The following SNTB1 variants were observed in gnomAD, a reference collection of about 807,000 sequenced individuals.
SNTB1 encodes beta-1-syntrophin.
SNTB1 carries 36 observed loss-of-function variants against 48.9 expected under a neutral mutation model. The observed-to-expected ratio is 0.74, with a 90% CI of 0.56 to 0.97. The LOEUF (loss-of-function observed/expected upper bound fraction) is 0.97, where lower values mean the gene tolerates loss of function less well. Among genes scored for constraint, SNTB1 ranks in the 50% least tolerant of loss-of-function variants. The pLI is 0.00. For synonymous variants in SNTB1, 299 were observed against 294.6 expected, an observed-to-expected ratio of 1.01 and a Z score of -0.15; for missense variants, 786 against 703.4, an observed-to-expected ratio of 1.12 and a Z score of -1.33.
At chr8:120,637,200 C>T (rs1057513064) in intron 2 of SNTB1, 8 of 334,682 alleles carry the variant, frequency 2.4e-5, no homozygotes, top group Admixed American at 1.1e-4. Flanking sequence ...ATGTCAAAGT[C>T]GAACATCCTC....
intron 3 of SNTB1, among the ~76,000 whole-genome samples, chr8:120,584,416 G>C (rs1816101230): frequency 1.8e-5 from 2 of 112,996 alleles, no homozygotes. Flanking sequence ...TCCAGCTTGG[G>C]TGACAGAGCG....
At chr8:120,657,254 C>T (rs1261213575) in intron 2 of SNTB1, among the ~76,000 whole-genome samples, 1 of 152,160 alleles carries the variant, frequency 6.6e-6, no homozygotes, top group Non-Finnish European at 1.5e-5. Context: ...CCCCAGTGTA[C>T]AATTTTATCA....
Position 120,556,193 on chromosome 8 carries a change from G to A in SNTB1, c.1137-7235C>T, listed in dbSNP as rs544238571. On this transcript the variant is annotated intron_variant, in intron 4 of 6. Coordinates refer to ENST00000517992, the MANE Select transcript of SNTB1 (RefSeq NM_021021.4). Reference sequence around the variant, plus strand: ...CCATGGCCTGTTTACTCCAAGTTAAGCTCCAGTTTTGGGGAGACTCATTGC... The same window carrying A: ...CCATGGCCTGTTTACTCCAAGTTAAACTCCAGTTTTGGGGAGACTCATTGC... 2.6e-5 allele frequency among the ~76,000 whole-genome samples: 4 copies of A among 152,308 alleles called. No individual in the cohort carries two copies. The South Asian group carries it at 8.3e-4, about 32-fold the overall frequency.
rs149718824 is a variant in SNTB1, at chr8:120,681,339, C to T, written c.788+12353G>A. Among the ~76,000 whole-genome samples, 4 of 152,188 alleles carry T rather than the reference C, an allele frequency of 2.6e-5. No homozygotes were observed. In the East Asian group the frequency reaches 5.8e-4, roughly 22 times the overall value. ...AACTCACAGGAGAACAAGACAGGCA[C>T]AACATGTTTGGAGGACAGACAGCGA... On this transcript the variant is annotated intron_variant, in intron 2 of 6. Coordinates refer to ENST00000517992, the MANE Select transcript of SNTB1 (RefSeq NM_021021.4).
rs1459693939 is a variant in SNTB1, at chr8:120,583,556, C to CAA, written c.997-8332_997-8331insTT. On this transcript the variant is annotated intron_variant, in intron 3 of 6. Transcript: ENST00000517992. ...ACACACACACACACACACACACACA[C>CAA]ACACAAAACTGGAACAGTACTATCT... Among the ~76,000 whole-genome samples, 351 of 115,894 alleles carry CAA rather than the reference C, an allele frequency of 3.0e-3. 3 individuals are homozygous for CAA. The highest frequency in any genetic ancestry group is 0.01 in the African/African-American group (339 of 33,270). 76.0% of individuals were successfully genotyped at this position (115,894 alleles called of 152,430 possible). A position where few individuals can be genotyped will look rare whatever the true frequency, so the allele number is the denominator to read the frequency against.
intron 2 of SNTB1, among the ~76,000 whole-genome samples, chr8:120,690,905 G>A (rs1277906682): frequency 2.6e-5 from 4 of 152,214 alleles, no homozygotes; most frequent in Admixed American, 1.3e-4. Context: ...GTCTGGACCT[G>A]AAGTCCCTTC....
intron 3 of SNTB1, among the ~76,000 whole-genome samples, chr8:120,577,131 T>C (rs1288562334): frequency 6.6e-6 from 1 of 152,316 alleles, no homozygotes; most frequent in Admixed American, 6.5e-5. Context: ...TTTCAATACC[T>C]TTTCTTCCCA....
At chr8:120,777,561 C>T (rs375153846) in intron 1 of SNTB1, among the ~76,000 whole-genome samples, 3 of 152,102 alleles carry the variant, frequency 2.0e-5, no homozygotes, top group South Asian at 2.1e-4. Flanking sequence ...GATTCACAGC[C>T]CTTAGAAAGA....
chr8:120,626,704 T>A (rs1816891417), intron 3 of SNTB1, among the ~76,000 whole-genome samples: 1 of 152,168 alleles, frequency 6.6e-6, no homozygotes, highest in Admixed American at 6.5e-5. Context: ...GCACTTTCAA[T>A]GATGTGAGCT....
chr8:120,787,981 A>G (rs1226672993), intron 1 of SNTB1, among the ~76,000 whole-genome samples: 2 of 152,190 alleles, frequency 1.3e-5, no homozygotes, highest in Non-Finnish European at 2.9e-5. Context: ...GTGAGACAAA[A>G]GCATCAGGTA....
chr8:120,661,729 T>TG (rs994085017), intron 2 of SNTB1, among the ~76,000 whole-genome samples: 1 of 152,208 alleles, frequency 6.6e-6, no homozygotes, highest in Non-Finnish European at 1.5e-5. Context: ...CTCCCACTTA[T>TG]GAGTGAGAAC....
chr8:120,752,862 C>T (rs1819245809), intron 1 of SNTB1, among the ~76,000 whole-genome samples: 1 of 151,792 alleles, frequency 6.6e-6, no homozygotes, highest in South Asian at 2.1e-4. Flanking sequence ...GGTAAACTAC[C>T]TATTGGGTAC....
At chr8:120,631,677 T>C (rs1816983073) in intron 3 of SNTB1, among the ~76,000 whole-genome samples, 1 of 152,088 alleles carries the variant, frequency 6.6e-6, no homozygotes, top group Non-Finnish European at 1.5e-5. Flanking sequence ...TCCTTTGAAA[T>C]AGAGAGAAAG....
intron 1 of SNTB1, among the ~76,000 whole-genome samples, chr8:120,705,284 T>C (rs938556396): frequency 6.6e-6 from 1 of 152,220 alleles, no homozygotes; most frequent in Non-Finnish European, 1.5e-5. Context: ...GTTCTTTCAC[T>C]CACTCATAGA....
intron 3 of SNTB1, among the ~76,000 whole-genome samples, chr8:120,604,152 GAGAGAA>G: frequency 6.6e-6 from 1 of 152,338 alleles, no homozygotes; most frequent in Non-Finnish European, 1.5e-5. Context: ...CACAGATCAA[GAGAGAA>G]ACTGAGCCAG....
At chr8:120,575,246 C>G (rs1815932560) in intron 3 of SNTB1, 21 bp from the exon 4 acceptor site, 3 of 1,614,098 alleles carry the variant, frequency 1.9e-6, no homozygotes, top group African/African-American at 1.3e-5. Flanking sequence ...AAGCAGAGAA[C>G]TGTCAAATGA....
intron 1 of SNTB1, among the ~76,000 whole-genome samples, chr8:120,726,853 C>T (rs956637172): frequency 6.6e-6 from 1 of 152,178 alleles, no homozygotes; most frequent in African/African-American, 2.4e-5. Context: ...AACTGGAATG[C>T]TGACAAGAAA....
At chr8:120,639,047 C>A (rs1471331483) in intron 2 of SNTB1, among the ~76,000 whole-genome samples, 2 of 152,222 alleles carry the variant, frequency 1.3e-5, no homozygotes, top group African/African-American at 4.8e-5. Flanking sequence ...TCCTCTCCAG[C>A]ACCTGTTGTT....
At chr8:120,784,086 T>A (rs1682165747) in intron 1 of SNTB1, among the ~76,000 whole-genome samples, 1 of 152,038 alleles carries the variant, frequency 6.6e-6, no homozygotes, top group Admixed American at 6.6e-5. Context: ...CTCCACCTCC[T>A]GGGTTCAAGC....
Sources: allele counts gnomAD v4.1 joint callset (sites outside exome capture counted in the v4.1 genomes callset), GRCh38; gene constraint gnomAD v4.1.1; transcripts MANE v1.5; gene names NCBI Gene and HGNC (gene_info 2026-07-23, HGNC 2026-07-21).